ERICH1: variants seen among roughly 807,000 people sequenced by gnomAD.
The protein encoded by ERICH1 is glutamate rich 1.
Under a neutral mutation model 39.6 loss-of-function variants are expected in ERICH1, and 56 were observed. The observed-to-expected ratio is 1.41, with a 90% CI of 1.14 to 1.77. The LOEUF (loss-of-function observed/expected upper bound fraction) is 1.77. Among genes scored for constraint, ERICH1 ranks in the 40% most tolerant of loss-of-function variants. The probability of loss-of-function intolerance (pLI) is 0.00; values close to 1 mark genes in which losing one functional copy is unlikely to be tolerated. For missense variants in ERICH1, 826 were observed against 575.4 expected (o/e 1.44, Z -4.45); for synonymous variants, 313 against 223.6 (o/e 1.40, Z -3.57).
At chr8:690,945 T>C (rs1286131328) in intron 3 of ERICH1, 1 of 152,306 alleles carries the variant, frequency 6.6e-6, no homozygotes, top group African/African-American at 2.4e-5. Context: ...CTCTTCCTTC[T>C]TGTGTGCCGT....
In ERICH1 at chr8:659,039, G is replaced by A. The variant is rs111979276; in HGVS notation, c.976+9559C>T. Among the ~76,000 whole-genome samples, 658 of 100,080 alleles carry A rather than the reference G, an allele frequency of 6.6e-3. 5 individuals carry two copies. The highest frequency in any genetic ancestry group is 0.016 in the African/African-American group (419 of 25,520). 65.7% of individuals were successfully genotyped at this position (100,080 alleles called of 152,430 possible). A position where few individuals can be genotyped will look rare whatever the true frequency, so the allele number is the denominator to read the frequency against. On this transcript the variant is annotated intron_variant, in intron 3 of 3. Transcript: ENST00000522706. ...GGAGGGGGTGACCATCGAGATCTCC[G>A]GTGTGCACTGAGCATCCTGGGGAGG...
chr8:688,666 G>C (rs921359178), intron 3 of ERICH1, among the ~76,000 whole-genome samples: 1 of 152,190 alleles, frequency 6.6e-6, no homozygotes, highest in Admixed American at 6.5e-5. Context: ...AAGAATCTAA[G>C]AAGAATGAGT....
intron 1 of ERICH1, among the ~76,000 whole-genome samples, chr8:728,878 T>A (rs1819392193): frequency 6.6e-6 from 1 of 152,186 alleles, no homozygotes; most frequent in African/African-American, 2.4e-5. Flanking sequence ...AGGGAAACTG[T>A]CACATTAGCA....
At chr8:727,513 G>C (rs979382911) in intron 1 of ERICH1, among the ~76,000 whole-genome samples, 1 of 152,198 alleles carries the variant, frequency 6.6e-6, no homozygotes, top group Non-Finnish European at 1.5e-5. Flanking sequence ...GACAGAGGCC[G>C]CCTGCCTGCT....
intron 3 of ERICH1, chr8:627,246 T>C (rs1198233857): frequency 8.8e-6 from 4 of 456,126 alleles, no homozygotes; most frequent in South Asian, 4.6e-5. Context: ...CACCTGGAAG[T>C]TGGAGATAAG....
intron 3 of ERICH1, chr8:616,492 G>A (rs1311632493): frequency 4.4e-6 from 2 of 455,942 alleles, no homozygotes; most frequent in Non-Finnish European, 8.8e-6. Flanking sequence ...GGTACGGCCA[G>A]AGCACTGCTC....
chr8:634,248 A>G (rs1798255398), intron 3 of ERICH1, among the ~76,000 whole-genome samples: 3 of 152,144 alleles, frequency 2.0e-5, no homozygotes, highest in African/African-American at 7.2e-5. Flanking sequence ...TTATCCAAAG[A>G]AGACACACAA....
chr8:707,187 G>A (rs111917695), intron 2 of ERICH1, among the ~76,000 whole-genome samples: 2 of 149,088 alleles, frequency 1.3e-5, no homozygotes, highest in African/African-American at 2.5e-5. Flanking sequence ...CACATCTGTG[G>A]CCAACTGATT....
chr8:653,917 A>G (rs1044036316), intron 3 of ERICH1, among the ~76,000 whole-genome samples: 1 of 151,958 alleles, frequency 6.6e-6, no homozygotes, highest in Non-Finnish European at 1.5e-5. Context: ...TGAGGATGTT[A>G]TGCTGGGTGA....
intron 3 of ERICH1, among the ~76,000 whole-genome samples, chr8:685,831 T>C (rs1161400899): frequency 6.6e-6 from 1 of 152,076 alleles, no homozygotes; most frequent in African/African-American, 2.4e-5. Context: ...TCTTCAGCTT[T>C]GGGCAATTCA....
chr8:670,000 C>A (rs1338784895), intron 4 of ERICH1, among the ~76,000 whole-genome samples: 1 of 152,170 alleles, frequency 6.6e-6, no homozygotes, highest in Non-Finnish European at 1.5e-5. Flanking sequence ...TCCTCTCCAC[C>A]TGGGCCTGTT....
rs369212664 is a variant in ERICH1, at chr8:675,196, A to G, written c.305-1149T>C. ...GCGGCGGCCCCTCGTGAGGACAGAG[A>G]CGCGGCGCCCCCTCGTGAGGACAGA... On this transcript the variant is annotated intron_variant, in intron 3 of 5. Coordinates refer to ENST00000262109, the MANE Select transcript of ERICH1 (RefSeq NM_207332.3). 8.2e-3 allele frequency among the ~76,000 whole-genome samples: 219 copies of G among 26,706 alleles called. 25 individuals are homozygous for G. The highest frequency in any genetic ancestry group is 0.035 in the African/African-American group (175 of 4,968). The allele number at this position is 26,706 out of a possible 152,430, so 17.5% of individuals were successfully genotyped here.
chr8:707,309 G>A (rs1813529042), intron 2 of ERICH1, among the ~76,000 whole-genome samples: 1 of 150,194 alleles, frequency 6.7e-6, no homozygotes, highest in Non-Finnish European at 1.5e-5. Flanking sequence ...CCGGGTTCAA[G>A]CGACTCTACT....
intron 3 of ERICH1, among the ~76,000 whole-genome samples, chr8:658,063 T>C (rs1424137179): frequency 6.6e-6 from 1 of 152,200 alleles, no homozygotes; most frequent in Non-Finnish European, 1.5e-5. Context: ...CACGGCCCCT[T>C]TCTAGAGGCC....
chr8:727,070 T>C (rs535375072), intron 1 of ERICH1, among the ~76,000 whole-genome samples: 1 of 149,406 alleles, frequency 6.7e-6, no homozygotes, highest in Admixed American at 6.6e-5. Flanking sequence ...CACGTACACA[T>C]ACACATACAC....
intron 3 of ERICH1, among the ~76,000 whole-genome samples, chr8:635,338 C>T (rs375142270): frequency 6.6e-6 from 1 of 152,192 alleles, no homozygotes; most frequent in Non-Finnish European, 1.5e-5. Context: ...CCGGGTATAA[C>T]GGATAAACGC....
intron 3 of ERICH1, among the ~76,000 whole-genome samples, chr8:619,914 T>A (rs988434844): frequency 3.3e-5 from 5 of 152,030 alleles, no homozygotes; most frequent in African/African-American, 1.2e-4. Context: ...AAATAAACAA[T>A]ACAGTAAAAA....
At position 639,028 on chromosome 8, in the gene ERICH1, C is replaced by T. The variant is rs183049504; in HGVS notation, c.977-23744G>A. Among the ~76,000 whole-genome samples the T allele has an allele frequency of 1.9e-3, 292 of 152,274 alleles. 1 individual carries two copies. Among genetic ancestry groups the T allele is most frequent in the African/African-American group, 6.4e-3 (268 of 41,552 alleles). ...GCCCCACCTGCCCACAACACTGCAA[C>T]GGAAGCCGTCTCTCAAGCAGGCCTC... On this transcript the variant is annotated intron_variant, in intron 3 of 3. Transcript: ENST00000522706.
At chr8:700,930 C>T (rs1811966645) in intron 2 of ERICH1, among the ~76,000 whole-genome samples, 2 of 152,256 alleles carry the variant, frequency 1.3e-5, no homozygotes, top group African/African-American at 2.4e-5. Flanking sequence ...GCTCTCAAGA[C>T]AAGGGCAATC....
Sources: allele counts gnomAD v4.1 joint callset (sites outside exome capture counted in the v4.1 genomes callset), GRCh38; gene constraint gnomAD v4.1.1; transcripts MANE v1.5; gene names NCBI Gene and HGNC (gene_info 2026-07-23, HGNC 2026-07-21).